The following ERC2 variants were observed in gnomAD, a reference collection of about 807,000 sequenced individuals.
ERC2 encodes ELKS/RAB6-interacting/CAST family member 2.
Under a neutral mutation model 114.8 loss-of-function variants are expected in ERC2, and 42 were observed. The observed-to-expected ratio is 0.37, with a 90% CI of 0.29 to 0.47. ERC2 has a LOEUF of 0.47. Among genes scored for constraint, ERC2 ranks in the 20% least tolerant of loss-of-function variants. The pLI, the probability that ERC2 is intolerant of heterozygous loss-of-function variation, is 0.99. For missense variants in ERC2, 939 were observed against 1,150.7 expected (o/e 0.82, Z 2.66); for synonymous variants, 454 against 425.5 (o/e 1.07, Z -0.82).
At chr3:56,164,461 T>C (rs893487368) in intron 4 of ERC2, among the ~76,000 whole-genome samples, 10 of 152,172 alleles carry the variant, frequency 6.6e-5, no homozygotes, top group Non-Finnish European at 1.5e-4. Flanking sequence ...TATTCTACTA[T>C]GTGGATATGC....
At chr3:56,152,420 G>T (rs977923856) in intron 4 of ERC2, among the ~76,000 whole-genome samples, 9 of 132,146 alleles carry the variant, frequency 6.8e-5, no homozygotes, top group Non-Finnish European at 3.3e-5. Context: ...AAAATGAAGG[G>T]GGGGGGGCGC....
At chr3:56,391,099 A>G (rs2060112729) in intron 2 of ERC2, among the ~76,000 whole-genome samples, 1 of 152,214 alleles carries the variant, frequency 6.6e-6, no homozygotes. Context: ...ACTTAAGTGA[A>G]GCAATCAGAC....
At chr3:55,679,664 CAAGA>C (rs1486253686) in intron 17 of ERC2, among the ~76,000 whole-genome samples, 1 of 152,152 alleles carries the variant, frequency 6.6e-6, no homozygotes, top group African/African-American at 2.4e-5. Flanking sequence ...GCCAATGGCA[CAAGA>C]AAGAGATATA....
At chr3:56,183,870 C>T (rs2083433953) in intron 3 of ERC2, among the ~76,000 whole-genome samples, 1 of 151,750 alleles carries the variant, frequency 6.6e-6, no homozygotes, top group African/African-American at 2.4e-5. Context: ...TGTATTAGCC[C>T]ATATATAAAG....
intron 3 of ERC2, among the ~76,000 whole-genome samples, chr3:56,288,053 G>A (rs990907816): frequency 1.3e-5 from 2 of 152,152 alleles, no homozygotes; most frequent in African/African-American, 4.8e-5. Flanking sequence ...AATGGAATGT[G>A]TTTATAGGCT....
chr3:56,079,642 C>G (rs2077134888), intron 7 of ERC2, among the ~76,000 whole-genome samples: 1 of 151,970 alleles, frequency 6.6e-6, no homozygotes, highest in African/African-American at 2.4e-5. Context: ...CTGCACAGGT[C>G]CCTATGCTTG....
At chr3:55,567,453 T>A (rs1196677911) in intron 17 of ERC2, among the ~76,000 whole-genome samples, 1 of 152,222 alleles carries the variant, frequency 6.6e-6, no homozygotes, top group Non-Finnish European at 1.5e-5. Context: ...TGCATCCAAA[T>A]AAAATGAGAT....
intron 16 of ERC2, among the ~76,000 whole-genome samples, chr3:55,697,056 A>C (rs1260488361): frequency 6.6e-6 from 1 of 152,148 alleles, no homozygotes; most frequent in Non-Finnish European, 1.5e-5. Context: ...CCTTGTTCTG[A>C]TTGACATGAA....
chr3:56,076,190 A>G (rs2076968478), intron 7 of ERC2, among the ~76,000 whole-genome samples: 1 of 152,142 alleles, frequency 6.6e-6, no homozygotes, highest in Non-Finnish European at 1.5e-5. Flanking sequence ...TACCTTTAAT[A>G]AATAAAGTAC....
chr3:55,571,941 T>C (rs978950706), intron 17 of ERC2, among the ~76,000 whole-genome samples: 1 of 152,228 alleles, frequency 6.6e-6, no homozygotes, highest in Non-Finnish European at 1.5e-5. Context: ...AGCCTTGTCC[T>C]TCCTTACAAG....
Position 55,576,520 on chromosome 3 carries a change from C to T in ERC2, c.*40-65244G>A, listed in dbSNP as rs150938450. Among the ~76,000 whole-genome samples the T allele has an allele frequency of 1.5e-3, 228 of 152,286 alleles. 1 individual carries two copies. Among genetic ancestry groups the T allele is most frequent in the African/African-American group, 5.0e-3 (206 of 41,560 alleles). On this transcript the variant is annotated intron_variant, in intron 17 of 17. Coordinates refer to ENST00000288221, the MANE Select transcript of ERC2 (RefSeq NM_015576.3). ...GAGCAGTGATGCAGCAGGGCTCAAA[C>T]CCAGGTCTGCCAGGCTCCAGGCACG...
At chr3:56,286,965 T>C (rs2054764822) in intron 3 of ERC2, among the ~76,000 whole-genome samples, 1 of 152,250 alleles carries the variant, frequency 6.6e-6, no homozygotes, top group South Asian at 2.1e-4. Context: ...TTATATGTTA[T>C]AGCTGCTGTA....
chr3:56,311,258 TA>T (rs1482715802), intron 2 of ERC2, among the ~76,000 whole-genome samples: 1 of 28,896 alleles, frequency 3.5e-5, no homozygotes. Flanking sequence ...TCTCTCTCTA[TA>T]TATATATATA....
rs1247536459 is a variant in ERC2 at position 55,508,607 on chromosome 3, T to G, written c.*2709A>C. 1 of 152,586 alleles carries G rather than the reference T, an allele frequency of 6.6e-6. No individual in the cohort carries two copies. Among genetic ancestry groups the G allele is most frequent in the Non-Finnish European group, 1.5e-5 (1 of 68,026 alleles). The allele number at this position is 152,586 out of a possible 1,614,324, so 9.5% of individuals were successfully genotyped here. On this transcript the variant is annotated 3_prime_UTR_variant, in exon 18 of 18. Coordinates refer to ENST00000288221, the MANE Select transcript of ERC2 (RefSeq NM_015576.3). Reference sequence around the variant, plus strand: ...CTATCAAACGAGGGTCTCGGGGAATTAGATACACTGACCCTGGGCAGCATT... The same window carrying G: ...CTATCAAACGAGGGTCTCGGGGAATGAGATACACTGACCCTGGGCAGCATT...
At chr3:56,122,477 A>G (rs368032072) in intron 6 of ERC2, among the ~76,000 whole-genome samples, 2 of 152,182 alleles carry the variant, frequency 1.3e-5, no homozygotes, top group East Asian at 1.9e-4. Flanking sequence ...TTTTTTTGAC[A>G]ATGCAAATGT....
chr3:56,221,481 C>T (rs1375869775), intron 3 of ERC2, among the ~76,000 whole-genome samples: 1 of 151,996 alleles, frequency 6.6e-6, no homozygotes. Context: ...TACACAGAGT[C>T]CTGCACAGCA....
rs150794672 is a variant in ERC2 at position 55,586,472 on chromosome 3, G to A, written c.*40-75196C>T. Among the ~76,000 whole-genome samples the A allele has an allele frequency of 2.4e-3, 360 of 152,234 alleles. 18 individuals carry two copies. The South Asian group carries it at 0.062, about 26-fold the overall frequency. On this transcript the variant is annotated intron_variant, in intron 17 of 17. Transcript: ENST00000288221. ...ATTCTAAATTCACAAACATAAGAAC[G>A]CAATCTAAACTAGTCATCGAGTTGG...
chr3:56,374,316 C>A (rs1008713860), intron 2 of ERC2, among the ~76,000 whole-genome samples: 3 of 152,164 alleles, frequency 2.0e-5, no homozygotes, highest in Non-Finnish European at 4.4e-5. Flanking sequence ...CCAGGATGGT[C>A]TCGATCTCCT....
Position 55,512,748 on chromosome 3 carries a change from T to C in ERC2, c.*40-1472A>G, listed in dbSNP as rs1420052232. ...CTGGGCAGCAGGTCACAAGGCAGAATACAATGCCCCACAATTGCAGCAAAC... is the reference window on the plus strand; with the variant it reads ...CTGGGCAGCAGGTCACAAGGCAGAACACAATGCCCCACAATTGCAGCAAAC... On this transcript the variant is annotated intron_variant, in intron 17 of 17. Coordinates refer to ENST00000288221, the MANE Select transcript of ERC2 (RefSeq NM_015576.3). Among the ~76,000 whole-genome samples the C allele has an allele frequency of 2.6e-5, 4 of 152,166 alleles. No homozygotes were observed. The East Asian group carries it at 7.7e-4, about 29-fold the overall frequency.
Sources: allele counts gnomAD v4.1 joint callset (sites outside exome capture counted in the v4.1 genomes callset), GRCh38; gene constraint gnomAD v4.1.1; transcripts MANE v1.5; gene names NCBI Gene and HGNC (gene_info 2026-07-23, HGNC 2026-07-21).